Variants in APLF observed in about 807,000 individuals in gnomAD.
APLF encodes the protein aprataxin and PNKP like factor, also known as aprataxin and PNK-like factor.
A neutral mutation model predicts 55.6 loss-of-function variants in APLF; 61 were observed. The ratio of observed to expected loss-of-function variants is 1.10; its 90% CI spans 0.89 to 1.36. The LOEUF (loss-of-function observed/expected upper bound fraction) is 1.36, where lower values mean the gene tolerates loss of function less well. APLF is among the 40% of genes most tolerant of loss of function. APLF has a pLI of 0.00. For missense variants in APLF, 611 were observed against 602.5 expected, an observed-to-expected ratio of 1.01 and a Z score of -0.15; for synonymous variants, 207 against 214.8, an observed-to-expected ratio of 0.96 and a Z score of 0.32.
At chr2:68,502,649 A>T in intron 2 of APLF, 82 bp from the exon 3 acceptor site, 2 of 910,104 alleles carry the variant, frequency 2.2e-6, no homozygotes, top group Non-Finnish European at 2.9e-6. Flanking sequence ...ATTTAATTGT[A>T]TTTTTGTTGT....
chr2:68,496,271 T>G (rs960911902), intron 2 of APLF, among the ~76,000 whole-genome samples: 3 of 152,038 alleles, frequency 2.0e-5, no homozygotes, highest in Non-Finnish European at 1.5e-5. Context: ...CCGGCTAATT[T>G]TTTTTGTATT....
At position 68,529,166 on chromosome 2, in the gene APLF, G is replaced by A. The variant is rs181504375; in HGVS notation, c.804+2924G>A. On this transcript the variant is annotated intron_variant, in intron 6 of 9. Transcript: ENST00000303795. This position sits in a 1 kb window ranked among gnomAD's most constrained non-coding sequence, Gnocchi z 4.4. ...AGACAGCACGGGTTTCTTCCTTGAG[G>A]GGGGGCTCCAGACAACAGGAGGCAG... is the stretch of plus-strand genomic sequence containing the variant. The A allele has an allele frequency of 6.2e-6, 8 of 1,298,894 alleles. No homozygotes were observed. The highest frequency in any genetic ancestry group is 8.4e-6 in the Non-Finnish European group (8 of 949,768). The allele number at this position is 1,298,894 out of a possible 1,614,324, so 80.5% of individuals were successfully genotyped here.
At chr2:68,545,621 G>A (rs1377075969) in intron 8 of APLF, among the ~76,000 whole-genome samples, 1 of 152,098 alleles carries the variant, frequency 6.6e-6, no homozygotes, top group African/African-American at 2.4e-5. Context: ...GTATGTCCTA[G>A]GTGTGACATA....
At chr2:68,519,097 AATAAT>A (rs1321037640) in intron 5 of APLF, among the ~76,000 whole-genome samples, 2 of 126,174 alleles carry the variant, frequency 1.6e-5, no homozygotes, top group Non-Finnish European at 3.3e-5. Flanking sequence ...ATTAATATAT[AATAAT>A]ATAATATATA....
At chr2:68,566,910 C>T (rs918100515) in intron 8 of APLF, among the ~76,000 whole-genome samples, 1 of 151,852 alleles carries the variant, frequency 6.6e-6, no homozygotes, top group African/African-American at 2.4e-5. Flanking sequence ...TGAAAGAATA[C>T]TGTTTTCTTT....
In APLF at chr2:68,553,476, GTATATTAT is replaced by G. The variant is rs947481391; in HGVS notation, c.1286+8166_1286+8173del. ...TTATTTTTGAGGGTATATTTGTGAA[GTATATTAT>G]TTTTATTAGCTATATACTGTTTAGT... On this transcript the variant is annotated intron_variant, in intron 8 of 9. Transcript: ENST00000303795. Among the ~76,000 whole-genome samples the G allele has an allele frequency of 1.8e-3, 277 of 152,130 alleles. 1 individual carries two copies. The highest frequency in any genetic ancestry group is 3.0e-3 in the Non-Finnish European group (206 of 67,984).
At chr2:68,536,784 C>T (rs144898652) in intron 6 of APLF, among the ~76,000 whole-genome samples, 20 of 152,112 alleles carry the variant, frequency 1.3e-4, no homozygotes, top group African/African-American at 4.8e-4. Flanking sequence ...CAAAATTTTC[C>T]GTGAGGGCAA....
intron 5 of APLF, among the ~76,000 whole-genome samples, chr2:68,519,156 CTT>C (rs941101781): frequency 1.1e-4 from 14 of 132,956 alleles, no homozygotes; most frequent in Middle Eastern, 4.3e-3. Context: ...TATATAAAGA[CTT>C]GACCAAAAAT....
chr2:68,566,130 G>C (rs1671305337), intron 8 of APLF, among the ~76,000 whole-genome samples: 1 of 152,012 alleles, frequency 6.6e-6, no homozygotes, highest in Non-Finnish European at 1.5e-5. Flanking sequence ...TTATAAAGTT[G>C]AATGGGAGGA....
In APLF at chr2:68,492,702, C is replaced by A. The variant is rs192171376; in HGVS notation, c.168+2441C>A. On this transcript the variant is annotated intron_variant, in intron 2 of 9. Coordinates refer to ENST00000303795, the MANE Select transcript of APLF (RefSeq NM_173545.3). Reference sequence around the variant, plus strand: ...ATTAGATGGTACGCAGATCATAAAACCACTATGTATGACATTAACAGGTGT... The same window carrying A: ...ATTAGATGGTACGCAGATCATAAAAACACTATGTATGACATTAACAGGTGT... Among the ~76,000 whole-genome samples the A allele has an allele frequency of 3.1e-3, 468 of 152,146 alleles. 1 individual carries two copies. Among genetic ancestry groups the A allele is most frequent in the African/African-American group, 0.011 (445 of 41,514 alleles).
rs72901991 is a variant in APLF at position 68,546,941 on chromosome 2, G to A, written c.1286+1629G>A. On this transcript the variant is annotated intron_variant, in intron 8 of 9. Transcript: ENST00000303795. ...AAGGAAAATGGATAAGGATTGCAAA[G>A]GAAGAAATAAAACTTTGTGTTAACA... Among the ~76,000 whole-genome samples the A allele has an allele frequency of 6.5e-3, 981 of 151,844 alleles. 7 individuals carry two copies. The highest frequency in any genetic ancestry group is 0.023 in the African/African-American group (938 of 41,506).
chr2:68,550,161 A>G lies in APLF; in HGVS notation c.1286+4849A>G, dbSNP rs143261303. Among the ~76,000 whole-genome samples the G allele has an allele frequency of 7.8e-3, 1,185 of 152,266 alleles. 14 individuals are homozygous for G. The highest frequency in any genetic ancestry group is 0.027 in the African/African-American group (1,131 of 41,546). ...TTAAAACATGTCTTTTATAAAGAGC[A>G]TATAGTTGCTTCATTGGTTTTTATT... On this transcript the variant is annotated intron_variant, in intron 8 of 9. Transcript: ENST00000303795.
chr2:68,533,493 C>G (rs1389166955), intron 6 of APLF, among the ~76,000 whole-genome samples: 1 of 152,128 alleles, frequency 6.6e-6, no homozygotes, highest in Non-Finnish European at 1.5e-5. Context: ...ATGATCATGT[C>G]AGTGATTATG....
At chr2:68,505,478 T>C (rs985266110) in intron 3 of APLF, among the ~76,000 whole-genome samples, 9 of 152,020 alleles carry the variant, frequency 5.9e-5, no homozygotes, top group African/African-American at 2.2e-4. Flanking sequence ...ATTAGTGAAT[T>C]TTGAATTTTT....
At chr2:68,513,472 A>G (rs1427069343) in intron 4 of APLF, 76 bp from the exon 5 acceptor site, 7 of 1,505,164 alleles carry the variant, frequency 4.7e-6, no homozygotes, top group Non-Finnish European at 6.4e-6. Context: ...TAATGGTAGT[A>G]TTCTGCAAAG....
chr2:68,503,702 T>C (rs940655063), intron 3 of APLF, among the ~76,000 whole-genome samples: 1 of 152,134 alleles, frequency 6.6e-6, no homozygotes, highest in African/African-American at 2.4e-5. Flanking sequence ...GAGATGCAGC[T>C]AAATTAGCCC....
intron 1 of APLF, among the ~76,000 whole-genome samples, chr2:68,469,014 G>GTGTGTGTGTGTGTGT (rs1553366881): frequency 4.7e-5 from 7 of 147,408 alleles, no homozygotes; most frequent in African/African-American, 1.8e-4. Flanking sequence ...GTGTGTGTGT[G>GTGTGTGTGTGTGTGT]TGTGTGTTGT....
At chr2:68,520,310 T>G (rs113541171) in intron 5 of APLF, among the ~76,000 whole-genome samples, 2,102 of 152,166 alleles carry the variant, frequency 0.014, 41 homozygotes, top group African/African-American at 0.047. Context: ...CAGAAGCTTT[T>G]TAGTTTAATT....
chr2:68,515,233 T>G (rs959612996), intron 5 of APLF, among the ~76,000 whole-genome samples: 3 of 151,668 alleles, frequency 2.0e-5, no homozygotes, highest in African/African-American at 7.3e-5. Context: ...ACTTTTGCAG[T>G]AAGTTATTCT....
Sources: gnomAD v4.1 joint callset for allele counts (sites outside exome capture counted in the v4.1 genomes callset) on GRCh38, gnomAD v4.1.1 for gene constraint, Gnocchi (gnomAD v3.1) non-coding constraint, MANE v1.5 for transcripts, NCBI Gene and HGNC (gene_info 2026-07-23, HGNC 2026-07-21) for gene names.